The following CASR variants were observed in gnomAD, a reference collection of about 807,000 sequenced individuals.
CASR encodes calcium sensing receptor, also known as extracellular calcium-sensing receptor.
In CASR, 23 loss-of-function variants were observed where a neutral mutation model predicts 69.1. The ratio of observed to expected loss-of-function variants is 0.33; its 90% confidence interval spans 0.24 to 0.47. The LOEUF is 0.47. Ranked by LOEUF, CASR falls within the 20% of genes least tolerant of loss-of-function variation. The pLI is 1.00. For synonymous variants in CASR, 541 were observed against 544.7 expected, an observed-to-expected ratio of 0.99 and a Z score of 0.10; for missense variants, 924 against 1,356.1, an observed-to-expected ratio of 0.68 and a Z score of 5.00.
In CASR at chr3:122,282,151, G is replaced by A. The variant is rs1553768722; in HGVS notation, c.1647G>A (p.Gly549=). 1 of 1,614,120 alleles carries A rather than the reference G, an allele frequency of 6.2e-7. No homozygotes were observed. Among genetic ancestry groups the A allele is most frequent in the Non-Finnish European group, 8.5e-7 (1 of 1,179,952 alleles). ...FSNCSRDCLA[G]TRKGIIEGEP... ...ACTGCAGCCGAGACTGCCTGGCAGG[G>A]ACCAGGAAAGGGATCATTGAGGGGG... Residue 549 remains glycine, a synonymous_variant, in exon 6 of 7, where the codon GGG becomes GGA. Transcript: ENST00000639785.
At chr3:122,275,689 A>G in intron 4 of CASR, 123 bp from the exon 5 acceptor site, 1 of 748,588 alleles carries the variant, frequency 1.3e-6, no homozygotes, top group Non-Finnish European at 2.4e-6. Flanking sequence ...TCTCTTCCTC[A>G]AGTCACGTTC....
chr3:122,210,939 C>T (rs987860746), intron 1 of CASR, among the ~76,000 whole-genome samples: 2 of 152,188 alleles, frequency 1.3e-5, no homozygotes, highest in African/African-American at 4.8e-5. Context: ...GACTGCACAT[C>T]TATGACCATC....
chr3:122,258,255 A>G (rs2074578282), intron 3 of CASR, among the ~76,000 whole-genome samples: 1 of 152,204 alleles, frequency 6.6e-6, no homozygotes, highest in Admixed American at 6.5e-5. Flanking sequence ...CAAGTTTGAA[A>G]TTAAACTATA....
chr3:122,275,191 T>G (rs1209979047), intron 4 of CASR, among the ~76,000 whole-genome samples: 2 of 152,226 alleles, frequency 1.3e-5, no homozygotes, highest in African/African-American at 4.8e-5. Context: ...TAGTAATTAT[T>G]ATGATGACTT....
intron 3 of CASR, among the ~76,000 whole-genome samples, chr3:122,260,528 C>T (rs1399374132): frequency 6.6e-6 from 1 of 152,206 alleles, no homozygotes; most frequent in East Asian, 1.9e-4. Flanking sequence ...AAGGAAAGGG[C>T]TCTGGAAGGT....
At chr3:122,227,165 G>T (rs139920607) in intron 1 of CASR, among the ~76,000 whole-genome samples, 3 of 152,240 alleles carry the variant, frequency 2.0e-5, no homozygotes, top group African/African-American at 7.2e-5. Flanking sequence ...AGTGGATCCC[G>T]CACCGGGACC....
Position 122,236,995 on chromosome 3 carries a change from A to G in CASR, c.-242-16953A>G, listed in dbSNP as rs578184632. On this transcript the variant is annotated intron_variant, in intron 1 of 6. Transcript: ENST00000639785. ...TGGCCTTAATTTTAAAATAGATGTG[A>G]TTTTAGTTAACTGTGAGGTAAAATC... Among the ~76,000 whole-genome samples the G allele has an allele frequency of 7.2e-5, 11 of 152,160 alleles. No homozygotes were observed. In the East Asian group the frequency reaches 2.1e-3, roughly 29 times the overall value.
intron 1 of CASR, among the ~76,000 whole-genome samples, chr3:122,224,001 A>T (rs925204891): frequency 6.6e-6 from 1 of 152,188 alleles, no homozygotes; most frequent in Non-Finnish European, 1.5e-5. Flanking sequence ...CCTTCATATT[A>T]AAAAACCCTC....
intron 1 of CASR, among the ~76,000 whole-genome samples, chr3:122,253,587 C>T (rs774320178): frequency 6.6e-6 from 1 of 152,148 alleles, no homozygotes; most frequent in Non-Finnish European, 1.5e-5. Context: ...AATAAAATAT[C>T]TCTAATATTA....
At chr3:122,190,067 G>T (rs975413528) in intron 1 of CASR, among the ~76,000 whole-genome samples, 1 of 152,112 alleles carries the variant, frequency 6.6e-6, no homozygotes, top group Non-Finnish European at 1.5e-5. Context: ...GAAGAGAAGT[G>T]GGGTGGAGGG....
chr3:122,260,523 A>G (rs552930380), intron 3 of CASR, among the ~76,000 whole-genome samples: 1 of 152,340 alleles, frequency 6.6e-6, no homozygotes, highest in South Asian at 2.1e-4. Context: ...GAATAAAGGA[A>G]AGGGCTCTGG....
At chr3:122,207,316 A>G (rs2074017249) in intron 1 of CASR, among the ~76,000 whole-genome samples, 1 of 152,104 alleles carries the variant, frequency 6.6e-6, no homozygotes. Flanking sequence ...AACACACCTA[A>G]TAGGCCTAAC....
At chr3:122,203,487 G>A (rs2073977543) in intron 1 of CASR, among the ~76,000 whole-genome samples, 1 of 152,168 alleles carries the variant, frequency 6.6e-6, no homozygotes, top group Non-Finnish European at 1.5e-5. Flanking sequence ...CTTGTGGGCA[G>A]TTGTAACACA....
rs191018899 is a variant in CASR at position 122,193,230 on chromosome 3, G to A, written c.-243+9418G>A. On this transcript the variant is annotated intron_variant, in intron 1 of 6. Transcript: ENST00000639785. ...TGTTTGTTTGTTTGTTTGTTTGTTT[G>A]TTTTTTGAGTCTCACTCACTCTGTC... is the stretch of plus-strand genomic sequence containing the variant. Among the ~76,000 whole-genome samples, 202 of 139,894 alleles carry A rather than the reference G, an allele frequency of 1.4e-3. 1 individual carries two copies. The highest frequency in any genetic ancestry group is 5.0e-3 in the African/African-American group (190 of 37,772). The allele number at this position is 139,894 out of a possible 152,430, so 91.8% of individuals were successfully genotyped here. A position where few individuals can be genotyped will look rare whatever the true frequency, so the allele number is the denominator to read the frequency against.
At position 122,221,185 on chromosome 3, in the gene CASR, AGACATTGAGTTTTATTTAACT is replaced by A. The variant is rs2074166464; in HGVS notation, c.-242-32760_-242-32740del. Among the ~76,000 whole-genome samples the A allele has an allele frequency of 7.9e-5, 12 of 152,204 alleles. No individual in the cohort carries two copies. The South Asian group carries it at 2.5e-3, about 31-fold the overall frequency. On this transcript the variant is annotated intron_variant, in intron 1 of 6. Coordinates refer to ENST00000639785, the MANE Select transcript of CASR (RefSeq NM_000388.4). ...CCAGCATGAGGCAGAGTGTAGAAAG[AGACATTGAGTTTTATTTAACT>A]GAATTTTTCCATATATTTTTGATCA...
At chr3:122,275,745 C>T in intron 4 of CASR, 67 bp from the exon 5 acceptor site, 4 of 1,028,724 alleles carry the variant, frequency 3.9e-6, no homozygotes, top group Non-Finnish European at 4.6e-6. Context: ...TTGTGCAGGG[C>T]ACAGCCTACC....
At chr3:122,268,800 T>A (rs11713272) in intron 4 of CASR, among the ~76,000 whole-genome samples, 85,648 of 152,094 alleles carry the variant, frequency 0.56, 26,505 homozygotes, top group Middle Eastern at 0.74. Flanking sequence ...AGTACCTAGA[T>A]ACAGGCACAG....
At chr3:122,258,029 A>G (rs942831378) in intron 3 of CASR, among the ~76,000 whole-genome samples, 3 of 152,252 alleles carry the variant, frequency 2.0e-5, no homozygotes, top group Non-Finnish European at 2.9e-5. Context: ...GTGCTTTAAT[A>G]AACATTCAGT....
intron 5 of CASR, among the ~76,000 whole-genome samples, chr3:122,278,445 A>G (rs1391862826): frequency 6.6e-6 from 1 of 152,224 alleles, no homozygotes; most frequent in Non-Finnish European, 1.5e-5. Context: ...TGTGCTGCCA[A>G]TAATTCTTTC....
Sources: gnomAD v4.1 joint callset for allele counts (sites outside exome capture counted in the v4.1 genomes callset) on GRCh38, gnomAD v4.1.1 for gene constraint, MANE v1.5 for transcripts, NCBI Gene and HGNC (gene_info 2026-07-23, HGNC 2026-07-21) for gene names.